Variants in LTBP1 observed in about 807,000 individuals in gnomAD.
The protein encoded by LTBP1 is latent-transforming growth factor beta-binding protein 1.
A neutral mutation model predicts 207.6 loss-of-function variants in LTBP1; 129 were observed. That is an observed-to-expected ratio of 0.62 (90% CI 0.54 to 0.72). The LOEUF is 0.72. Among genes scored for constraint, LTBP1 ranks in the 30% least tolerant of loss-of-function variants. The pLI is 0.00. For missense variants in LTBP1, 2,281 were observed against 2,217.2 expected (o/e 1.03, Z -0.58); for synonymous variants, 963 against 833.7 (o/e 1.16, Z -2.67).
intron 5 of LTBP1, among the ~76,000 whole-genome samples, chr2:33,183,253 T>C (rs1011008941): frequency 1.3e-5 from 2 of 152,232 alleles, no homozygotes; most frequent in Non-Finnish European, 2.9e-5. Context: ...TTCTTTGCTA[T>C]ACTTTCTTTT....
chr2:33,145,819 C>T (rs2150876889), intron 5 of LTBP1, among the ~76,000 whole-genome samples: 1 of 152,208 alleles, frequency 6.6e-6, no homozygotes, highest in Non-Finnish European at 1.5e-5. Context: ...TTGTATTATA[C>T]CATTTTCCAA....
At chr2:33,302,914 T>C (rs2094012260) in intron 22 of LTBP1, among the ~76,000 whole-genome samples, 1 of 150,708 alleles carries the variant, frequency 6.6e-6, no homozygotes, top group Non-Finnish European at 1.5e-5. Context: ...AAAATACAAA[T>C]ATTAGCTGGG....
intron 2 of LTBP1, among the ~76,000 whole-genome samples, chr2:32,989,588 A>G (rs1684100233): frequency 6.6e-6 from 1 of 152,356 alleles, no homozygotes; most frequent in Non-Finnish European, 1.5e-5. Context: ...GGAAAAGCCC[A>G]GGGACAGAGT....
At chr2:33,354,268 A>C (rs986173096) in intron 26 of LTBP1, among the ~76,000 whole-genome samples, 2 of 152,210 alleles carry the variant, frequency 1.3e-5, no homozygotes, top group Admixed American at 1.3e-4. Flanking sequence ...AACCTGTTAA[A>C]TAAATTTAAC....
intron 32 of LTBP1, among the ~76,000 whole-genome samples, chr2:33,389,870 C>T (rs749549548): frequency 7.7e-4 from 117 of 152,270 alleles, no homozygotes; most frequent in Non-Finnish European, 1.4e-3. Context: ...GAACTCCTGA[C>T]CTTGTAATCC....
intron 4 of LTBP1, among the ~76,000 whole-genome samples, chr2:33,113,809 A>G (rs967716881): frequency 2.0e-5 from 3 of 152,148 alleles, no homozygotes; most frequent in Non-Finnish European, 4.4e-5. Context: ...GTATAGAGAT[A>G]TGTATCTCAG....
intron 5 of LTBP1, among the ~76,000 whole-genome samples, chr2:33,146,176 T>G (rs181970967): frequency 3.3e-5 from 5 of 152,320 alleles, no homozygotes; most frequent in African/African-American, 1.2e-4. Context: ...GCTGGTTATT[T>G]GAAATTTGAT....
intron 20 of LTBP1, among the ~76,000 whole-genome samples, chr2:33,293,765 T>C (rs1287835904): frequency 2.0e-5 from 3 of 152,176 alleles, no homozygotes; most frequent in African/African-American, 7.2e-5. Context: ...TTCGTGGATA[T>C]TGTATATAAA....
At chr2:33,340,732 A>G (rs981922294) in intron 24 of LTBP1, among the ~76,000 whole-genome samples, 3 of 152,192 alleles carry the variant, frequency 2.0e-5, no homozygotes, top group East Asian at 1.9e-4. Context: ...ACTATATTGG[A>G]TGTCTCCCTA....
intron 15 of LTBP1, among the ~76,000 whole-genome samples, chr2:33,270,246 G>A (rs2093287446): frequency 6.6e-6 from 1 of 151,544 alleles, no homozygotes; most frequent in Non-Finnish European, 1.5e-5. Flanking sequence ...TTGATAAGTA[G>A]TGAATAGAAA....
At chr2:32,965,813 T>C (rs1428290317) in intron 2 of LTBP1, among the ~76,000 whole-genome samples, 3 of 152,216 alleles carry the variant, frequency 2.0e-5, no homozygotes, top group Non-Finnish European at 2.9e-5. Context: ...TGTGTGGACG[T>C]AAGTTTTCAA....
At chr2:33,335,091 G>T (rs1362438693) in intron 24 of LTBP1, among the ~76,000 whole-genome samples, 2 of 151,114 alleles carry the variant, frequency 1.3e-5, no homozygotes, top group African/African-American at 4.9e-5. Context: ...GCTCTCTAGT[G>T]TGGGCAACAG....
At chr2:33,347,816 A>T (rs2094724567) in intron 26 of LTBP1, among the ~76,000 whole-genome samples, 1 of 152,246 alleles carries the variant, frequency 6.6e-6, no homozygotes, top group South Asian at 2.1e-4. Flanking sequence ...GAGAGCTATC[A>T]GCTCAGGATT....
chr2:32,954,113 A>G (rs1269051005), intron 2 of LTBP1, among the ~76,000 whole-genome samples: 1 of 152,190 alleles, frequency 6.6e-6, no homozygotes, highest in Non-Finnish European at 1.5e-5. Context: ...ATGCCACTGC[A>G]GATCTTGTGG....
intron 19 of LTBP1, among the ~76,000 whole-genome samples, chr2:33,282,347 A>C (rs567602000): frequency 6.6e-6 from 1 of 152,294 alleles, no homozygotes; most frequent in African/African-American, 2.4e-5. Context: ...CACTCCCCCA[A>C]GATTTAATTG....
chr2:33,193,776 A>G (rs2088206868), intron 7 of LTBP1, among the ~76,000 whole-genome samples: 1 of 152,162 alleles, frequency 6.6e-6, no homozygotes, highest in African/African-American at 2.4e-5. Flanking sequence ...CACAAACCAC[A>G]ACCATATAAG....
chr2:33,333,417 A>G (rs1331308531), intron 24 of LTBP1, among the ~76,000 whole-genome samples: 1 of 152,202 alleles, frequency 6.6e-6, no homozygotes, highest in Non-Finnish European at 1.5e-5. Context: ...GGATATTGTT[A>G]TAATAGCTCA....
Position 33,265,693 on chromosome 2 carries a change from G to GT in LTBP1, c.2617+2310dup, listed in dbSNP as rs375339210. Among the ~76,000 whole-genome samples the GT allele has an allele frequency of 1.1e-3, 172 of 150,666 alleles. 1 individual carries two copies. The Middle Eastern group carries it at 0.017, about 15-fold the overall frequency. On this transcript the variant is annotated intron_variant, in intron 15 of 33. Transcript: ENST00000404816. ...GAAAATACACTAGATATTAGCAGTG[G>GT]TTTTTTTTTAGTGGCATCTGAGAGA...
At chr2:33,254,129 GC>G (rs2092761967) in intron 11 of LTBP1, among the ~76,000 whole-genome samples, 1 of 151,726 alleles carries the variant, frequency 6.6e-6, no homozygotes, top group African/African-American at 2.4e-5. Flanking sequence ...TGGTCTGCCG[GC>G]CTCAGCCTCC....
Sources: gnomAD v4.1 joint callset for allele counts (sites outside exome capture counted in the v4.1 genomes callset) on GRCh38, gnomAD v4.1.1 for gene constraint, MANE v1.5 for transcripts, NCBI Gene and HGNC (gene_info 2026-07-23, HGNC 2026-07-21) for gene names.